Variants in EPHA5 observed in about 807,000 individuals in gnomAD.
EPHA5 encodes the protein EPH receptor A5, also known as ephrin type-A receptor 5.
EPHA5 carries 60 observed loss-of-function variants against 105.0 expected under a neutral mutation model. That is an observed-to-expected ratio of 0.57 (90% confidence interval 0.46 to 0.71). The LOEUF is 0.71. Among genes scored for constraint, EPHA5 ranks in the 30% least tolerant of loss-of-function variants. EPHA5 has a pLI of 0.00. For missense variants in EPHA5, 1,218 were observed against 1,274.7 expected (o/e 0.96, Z 0.68); for synonymous variants, 513 against 449.1 (o/e 1.14, Z -1.80).
intron 16 of EPHA5, chr4:65,331,373 C>G: frequency 9.6e-7 from 1 of 1,041,420 alleles, no homozygotes; most frequent in Non-Finnish European, 1.2e-6. Context: ...TAAATTTTAT[C>G]TTAAACGTGC....
chr4:65,497,357 G>C (rs1732045715), intron 3 of EPHA5, among the ~76,000 whole-genome samples: 1 of 152,046 alleles, frequency 6.6e-6, no homozygotes, highest in South Asian at 2.1e-4. Flanking sequence ...CTTTTCAGTA[G>C]ATCTAATTAT....
At chr4:65,479,002 C>T (rs1730098835) in intron 5 of EPHA5, among the ~76,000 whole-genome samples, 2 of 151,944 alleles carry the variant, frequency 1.3e-5, no homozygotes, top group Non-Finnish European at 2.9e-5. Flanking sequence ...AATATTTATC[C>T]TCTTTCCATT....
intron 12 of EPHA5, among the ~76,000 whole-genome samples, chr4:65,351,997 G>C (rs1560442293): frequency 6.6e-6 from 1 of 152,024 alleles, no homozygotes; most frequent in Non-Finnish European, 1.5e-5. Context: ...GAAATGGACA[G>C]AGGTGATAAG....
At chr4:65,364,822 T>A (rs1300253186) in intron 11 of EPHA5, among the ~76,000 whole-genome samples, 195 bp downstream of exon 11, 4 of 151,606 alleles carry the variant, frequency 2.6e-5, no homozygotes, top group African/African-American at 9.7e-5. Flanking sequence ...TTAAAATATA[T>A]ATTTTAAAAG....
At chr4:65,553,879 G>A (rs368558469) in intron 3 of EPHA5, among the ~76,000 whole-genome samples, 2 of 151,850 alleles carry the variant, frequency 1.3e-5, no homozygotes, top group African/African-American at 2.4e-5. Flanking sequence ...GCAATGAGCC[G>A]CATCCTAATA....
chr4:65,560,893 A>G (rs1738941407), intron 3 of EPHA5, among the ~76,000 whole-genome samples: 1 of 152,052 alleles, frequency 6.6e-6, no homozygotes, highest in African/African-American at 2.4e-5. Context: ...GTTTTTGTTA[A>G]ATGACTCCAT....
intron 4 of EPHA5, among the ~76,000 whole-genome samples, chr4:65,494,067 T>C (rs1403322021): frequency 6.6e-6 from 1 of 152,190 alleles, no homozygotes; most frequent in Non-Finnish European, 1.5e-5. Flanking sequence ...TCCATTGATA[T>C]GTATCCTTAC....
intron 5 of EPHA5, among the ~76,000 whole-genome samples, chr4:65,430,133 G>A (rs996883403): frequency 6.6e-6 from 1 of 151,910 alleles, no homozygotes; most frequent in Admixed American, 6.6e-5. Context: ...CTTCAGTTGT[G>A]GGAAATATCT....
At chr4:65,487,757 T>C (rs1325254417) in intron 5 of EPHA5, among the ~76,000 whole-genome samples, 1 of 152,138 alleles carries the variant, frequency 6.6e-6, no homozygotes, top group Non-Finnish European at 1.5e-5. Flanking sequence ...AACTCTAGCC[T>C]CTGACTTTTG....
intron 8 of EPHA5, among the ~76,000 whole-genome samples, chr4:65,401,602 A>C (rs10517937): frequency 0.8 from 121,451 of 151,850 alleles, 48,981 homozygotes; most frequent in South Asian, 0.92. Context: ...TGTCTTTTCA[A>C]CTGCAAATTC....
intron 3 of EPHA5, among the ~76,000 whole-genome samples, chr4:65,502,481 G>C (rs1363649032): frequency 6.7e-6 from 1 of 150,126 alleles, no homozygotes; most frequent in African/African-American, 2.4e-5. Flanking sequence ...AAAAGATACA[G>C]TCAACAAACA....
At chr4:65,414,190 G>A in intron 7 of EPHA5, 94 bp downstream of exon 7, 1 of 1,085,824 alleles carries the variant, frequency 9.2e-7, no homozygotes, top group East Asian at 2.4e-5. Flanking sequence ...GGGAGAGTGA[G>A]ACTGACAGAG....
At chr4:65,489,288 G>A (rs1731184730) in intron 5 of EPHA5, among the ~76,000 whole-genome samples, 1 of 152,082 alleles carries the variant, frequency 6.6e-6, no homozygotes, top group African/African-American at 2.4e-5. Context: ...CTGAGACTTT[G>A]TAACCAACAG....
chr4:65,410,540 T>C (rs6858166), intron 7 of EPHA5, among the ~76,000 whole-genome samples: 14,843 of 152,172 alleles, frequency 0.098, 938 homozygotes, highest in Middle Eastern at 0.23. Context: ...AGTGACCAAA[T>C]GGCGTAGAAT....
intron 1 of EPHA5, among the ~76,000 whole-genome samples, chr4:65,654,380 A>C (rs1371267792): frequency 6.6e-6 from 1 of 152,036 alleles, no homozygotes; most frequent in Non-Finnish European, 1.5e-5. Flanking sequence ...TTCAAGTTCC[A>C]TAGAATATAA....
chr4:65,663,514 C>G (rs1027865126), intron 1 of EPHA5, among the ~76,000 whole-genome samples: 1 of 151,996 alleles, frequency 6.6e-6, no homozygotes, highest in African/African-American at 2.4e-5. Flanking sequence ...ACAAATTTCA[C>G]CAGACACAAT....
Position 65,319,857 on chromosome 4 carries a change from A to T in EPHA5, c.*4257T>A, listed in dbSNP as rs540791026. ...TTCTCAGGCTCTTATAAATGTAACT[A>T]CTCACTTTTAAATAATTGACTGTAA... On this transcript the variant is annotated 3_prime_UTR_variant, in exon 17 of 17. Coordinates refer to ENST00000613740, the MANE Select transcript of EPHA5 (RefSeq NM_001281766.3). 6 of 229,640 alleles carry T rather than the reference A, an allele frequency of 2.6e-5. No individual in the cohort carries two copies. The highest frequency in any genetic ancestry group is 1.1e-4 in the Admixed American group (2 of 17,616). 14.2% of individuals were successfully genotyped at this position (229,640 alleles called of 1,614,324 possible).
chr4:65,549,108 G>C (rs544613169), intron 3 of EPHA5, among the ~76,000 whole-genome samples: 4 of 152,046 alleles, frequency 2.6e-5, no homozygotes, highest in South Asian at 4.1e-4. Context: ...CAAAACCAAA[G>C]AGCAACATAA....
chr4:65,622,717 T>G (rs547462751), intron 2 of EPHA5, among the ~76,000 whole-genome samples: 1 of 152,232 alleles, frequency 6.6e-6, no homozygotes, highest in Non-Finnish European at 1.5e-5. Flanking sequence ...ATTTTGTTTT[T>G]AAATCAATGG....
Sources: gnomAD v4.1 joint callset for allele counts (sites outside exome capture counted in the v4.1 genomes callset) on GRCh38, gnomAD v4.1.1 for gene constraint, MANE v1.5 for transcripts, NCBI Gene and HGNC (gene_info 2026-07-23, HGNC 2026-07-21) for gene names.